Variants in CADPS2 observed in about 807,000 individuals in gnomAD.
CADPS2 encodes the protein calcium-dependent secretion activator 2.
In CADPS2, 93 loss-of-function variants were observed where a neutral mutation model predicts 172.5. The observed-to-expected ratio is 0.54, with a 90% CI of 0.46 to 0.64. The LOEUF is 0.64. Among genes scored for constraint, CADPS2 ranks in the 30% least tolerant of loss-of-function variants. The probability of loss-of-function intolerance (pLI) is 0.00; values close to 1 mark genes in which losing one functional copy is unlikely to be tolerated. For missense variants in CADPS2, 1,420 were observed against 1,565.9 expected, an observed-to-expected ratio of 0.91 and a Z score of 1.57; for synonymous variants, 546 against 555.2, an observed-to-expected ratio of 0.98 and a Z score of 0.23.
chr7:122,607,090 T>G (rs887563410), intron 6 of CADPS2, among the ~76,000 whole-genome samples: 1 of 152,014 alleles, frequency 6.6e-6, no homozygotes, highest in Non-Finnish European at 1.5e-5. Flanking sequence ...TCCTACCAAC[T>G]GCAATCCTAA....
intron 5 of CADPS2, among the ~76,000 whole-genome samples, chr7:122,616,193 T>C (rs1411912191): frequency 6.6e-6 from 1 of 152,122 alleles, no homozygotes; most frequent in Non-Finnish European, 1.5e-5. Flanking sequence ...TAAAATAGAT[T>C]AAAATGCATT....
At chr7:122,398,346 A>C (rs899651211) in intron 20 of CADPS2, among the ~76,000 whole-genome samples, 2 of 152,186 alleles carry the variant, frequency 1.3e-5, no homozygotes, top group African/African-American at 2.4e-5. Flanking sequence ...CTGACTCTTG[A>C]ACCCATATAA....
chr7:122,795,767 A>G (rs1796242806), intron 1 of CADPS2, among the ~76,000 whole-genome samples: 1 of 152,178 alleles, frequency 6.6e-6, no homozygotes, highest in Non-Finnish European at 1.5e-5. Context: ...TGAATGGGCA[A>G]AAGCTGGAAG....
At chr7:122,709,845 G>A (rs1412599667) in intron 2 of CADPS2, among the ~76,000 whole-genome samples, 1 of 151,766 alleles carries the variant, frequency 6.6e-6, no homozygotes, top group African/African-American at 2.4e-5. Flanking sequence ...CTCATAGATG[G>A]GAATTGAACA....
intron 2 of CADPS2, among the ~76,000 whole-genome samples, chr7:122,692,953 T>C (rs913314973): frequency 2.0e-5 from 3 of 152,228 alleles, no homozygotes; most frequent in African/African-American, 7.2e-5. Flanking sequence ...AGGGCAATTA[T>C]ACCTTTTACA....
At position 122,491,623 on chromosome 7, in the gene CADPS2, T is replaced by C. The variant is rs536080610; in HGVS notation, c.1543-203A>G. Among the ~76,000 whole-genome samples the C allele has an allele frequency of 3.9e-4, 60 of 152,292 alleles. No individual in the cohort carries two copies. In the South Asian group the frequency reaches 9.9e-3, roughly 25 times the overall value. On this transcript the variant is annotated intron_variant, in intron 9 of 29. Transcript: ENST00000449022. The stretch of plus-strand genomic sequence containing the variant: ...CAGCTTGCATTTGTTGGGTCTTCTA[T>C]GCCTATGATCCAGCATTCCCCAAGA...
chr7:122,705,444 T>C (rs917391186), intron 2 of CADPS2, among the ~76,000 whole-genome samples: 1 of 137,626 alleles, frequency 7.3e-6, no homozygotes, highest in Non-Finnish European at 1.5e-5. Flanking sequence ...TGTAATATAA[T>C]ATTATATATT....
At chr7:122,511,591 A>G (rs1191622818) in intron 9 of CADPS2, among the ~76,000 whole-genome samples, 1 of 152,144 alleles carries the variant, frequency 6.6e-6, no homozygotes, top group Admixed American at 6.6e-5. Flanking sequence ...ACCAGTTAAG[A>G]CCTATGCTTG....
intron 9 of CADPS2, among the ~76,000 whole-genome samples, chr7:122,505,884 A>G (rs1003271863): frequency 1.3e-5 from 2 of 152,200 alleles, no homozygotes; most frequent in Non-Finnish European, 2.9e-5. Context: ...GCAAGGTAAT[A>G]ATAAATCACA....
intron 1 of CADPS2, among the ~76,000 whole-genome samples, chr7:122,828,241 T>C (rs1805514031): frequency 6.9e-6 from 1 of 144,860 alleles, no homozygotes; most frequent in Non-Finnish European, 1.5e-5. Context: ...ATATAACCAT[T>C]TCTACTATTT....
chr7:122,532,191 A>C (rs894993293), intron 8 of CADPS2, among the ~76,000 whole-genome samples: 1 of 152,154 alleles, frequency 6.6e-6, no homozygotes, highest in African/African-American at 2.4e-5. Flanking sequence ...ATTTATCTCA[A>C]ATTGTTCCTT....
intron 2 of CADPS2, among the ~76,000 whole-genome samples, chr7:122,689,701 G>C (rs376419340): frequency 2.6e-5 from 4 of 152,278 alleles, no homozygotes; most frequent in African/African-American, 9.6e-5. Flanking sequence ...GGGGTACAAA[G>C]TCCACTGGGG....
In CADPS2 at chr7:122,388,757, A is replaced by G. The variant is rs1473392921; in HGVS notation, c.3009-19T>C. ...GCCATTGCTAGAAGAAAAAGGAAAAATGAACATCATGAACTCCCCGTTAAT... is the reference window on the plus strand; with the variant it reads ...GCCATTGCTAGAAGAAAAAGGAAAAGTGAACATCATGAACTCCCCGTTAAT... On this transcript the variant is annotated intron_variant, in intron 22 of 29. Transcript: ENST00000449022. 2.5e-6 allele frequency: 4 copies of G among 1,579,206 alleles called. No individual in the cohort carries two copies. The highest frequency in any genetic ancestry group is 1.7e-5 in the Admixed American group (1 of 57,486).
At chr7:122,403,612 A>T (rs2046233882) in intron 20 of CADPS2, among the ~76,000 whole-genome samples, 1 of 152,238 alleles carries the variant, frequency 6.6e-6, no homozygotes, top group South Asian at 2.1e-4. Context: ...ATTGAAAATT[A>T]CATTTTATAG....
intron 3 of CADPS2, among the ~76,000 whole-genome samples, chr7:122,629,776 T>C (rs1330491522): frequency 2.0e-5 from 3 of 152,154 alleles, no homozygotes; most frequent in Admixed American, 6.6e-5. Context: ...GATTGACTGA[T>C]ACAACTTTCT....
chr7:122,392,224 T>C (rs1034705357), intron 22 of CADPS2, among the ~76,000 whole-genome samples: 8 of 152,114 alleles, frequency 5.3e-5, no homozygotes, highest in African/African-American at 1.7e-4. Flanking sequence ...GTGAGGCTCA[T>C]AGTTTTAAAA....
intron 3 of CADPS2, among the ~76,000 whole-genome samples, chr7:122,662,714 G>A (rs1226563870): frequency 6.6e-6 from 1 of 151,984 alleles, no homozygotes; most frequent in Non-Finnish European, 1.5e-5. Context: ...AACAACTGAA[G>A]AGAAAATATA....
chr7:122,549,297 T>C (rs971727988), intron 8 of CADPS2, among the ~76,000 whole-genome samples: 1 of 152,106 alleles, frequency 6.6e-6, no homozygotes, highest in African/African-American at 2.4e-5. Flanking sequence ...ATACTTACTG[T>C]CTACATGACA....
intron 17 of CADPS2, among the ~76,000 whole-genome samples, chr7:122,429,608 C>A (rs551700343): frequency 2.6e-4 from 40 of 152,134 alleles, no homozygotes; most frequent in African/African-American, 8.2e-4. Flanking sequence ...AATGGAAATT[C>A]TTTAATTACC....
Sources: gnomAD v4.1 joint callset for allele counts (sites outside exome capture counted in the v4.1 genomes callset) on GRCh38, gnomAD v4.1.1 for gene constraint, MANE v1.5 for transcripts, NCBI Gene and HGNC (gene_info 2026-07-23, HGNC 2026-07-21) for gene names.